The following DYDC1 variants were observed in gnomAD, a reference collection of about 807,000 sequenced individuals.
DYDC1 encodes the protein DPY30 domain containing 1, also known as DPY30 domain-containing protein 1.
In DYDC1, 21 loss-of-function variants were observed where a neutral mutation model predicts 27.9. The observed-to-expected ratio is 0.75, with a 90% CI of 0.53 to 1.08. The LOEUF (loss-of-function observed/expected upper bound fraction) is 1.08, where lower values mean the gene tolerates loss of function less well. Ranked by LOEUF, DYDC1 falls within the 50% of genes least tolerant of loss-of-function variation. The pLI is 0.00. For synonymous variants in DYDC1, 67 were observed against 65.8 expected (o/e 1.02, Z -0.09); for missense variants, 202 against 205.9 (o/e 0.98, Z 0.12).
At chr10:80,352,124 C>T in intron 2 of DYDC1, 122 bp from the exon 3 acceptor site, 1 of 865,078 alleles carries the variant, frequency 1.2e-6, no homozygotes, top group Non-Finnish European at 1.8e-6. Context: ...TAGCCCATCC[C>T]TGTGGAAATG....
chr10:80,356,393 G>C, intron 1 of DYDC1: 2 of 985,712 alleles, frequency 2.0e-6, no homozygotes, highest in Non-Finnish European at 2.4e-6. Context: ...CAGCCAACTG[G>C]GCGGGGGCAC....
chr10:80,345,497 A>C (rs1842560126), intron 3 of DYDC1, among the ~76,000 whole-genome samples: 1 of 152,144 alleles, frequency 6.6e-6, no homozygotes, highest in African/African-American at 2.4e-5. Context: ...TATCATCCTC[A>C]TGCTGTACTT....
chr10:80,350,680 A>G (rs1842928910), intron 3 of DYDC1, among the ~76,000 whole-genome samples: 1 of 152,218 alleles, frequency 6.6e-6, no homozygotes, highest in Non-Finnish European at 1.5e-5. Flanking sequence ...TTCTATCCAC[A>G]TACTCAAATA....
Position 80,352,456 on chromosome 10 carries a change from A to C in DYDC1, c.146T>G (p.Leu49Arg), listed in dbSNP as rs768522976. The change falls in exon 2 of 7, where the codon CTG becomes CGG. Residue 49 changes from leucine (L) to arginine (R), a missense_variant and splice_region_variant. By Grantham distance (102) the Leu-to-Arg change is moderately radical. Coordinates refer to ENST00000372202, the MANE Select transcript of DYDC1 (RefSeq NM_001269053.2). ...KYKENVTMEQ[L>R]RQKEMAKLER... The stretch of plus-strand genomic sequence containing the variant: ...TCCTAGAAGGAGATTCCTACTTACC[A>C]GTTGTTCCATGGTCACATTTTCCTT... The C allele has an allele frequency of 1.0e-5, 16 of 1,597,482 alleles. No individual in the cohort carries two copies. Among genetic ancestry groups the C allele is most frequent in the Non-Finnish European group, 1.4e-5 (16 of 1,173,872 alleles).
At chr10:80,341,941 T>C (rs1171477780) in intron 4 of DYDC1, among the ~76,000 whole-genome samples, 1 of 151,046 alleles carries the variant, frequency 6.6e-6, no homozygotes, top group Non-Finnish European at 1.5e-5. Context: ...GGAGAATCAC[T>C]TGAACCTGGG....
At chr10:80,337,924 T>C in intron 6 of DYDC1, 3 of 281,222 alleles carry the variant, frequency 1.1e-5, no homozygotes, top group Non-Finnish European at 1.1e-5. Flanking sequence ...CAATAAATTA[T>C]GTGGTCCCAC....
rs76809865 is a variant in DYDC1 at position 80,340,208 on chromosome 10, C to T, written c.343-1055G>A. 8.9e-3 allele frequency among the ~76,000 whole-genome samples: 1,360 copies of T among 152,278 alleles called. 17 individuals are homozygous for T. Among genetic ancestry groups the T allele is most frequent in the African/African-American group, 0.031 (1,291 of 41,550 alleles). ...TCTCTTGCTCCCAAAGTCTGAAAGGCCCAGTGATACCAGAGTCCTTCACAG... is the reference window on the plus strand; with the variant it reads ...TCTCTTGCTCCCAAAGTCTGAAAGGTCCAGTGATACCAGAGTCCTTCACAG... On this transcript the variant is annotated intron_variant, in intron 4 of 6. Transcript: ENST00000372202.
intron 4 of DYDC1, among the ~76,000 whole-genome samples, chr10:80,341,351 G>A (rs1242803685): frequency 1.4e-5 from 2 of 147,504 alleles, no homozygotes; most frequent in African/African-American, 5.1e-5. Context: ...GCTGAGGCTC[G>A]AGAATTGCTT....
intron 1 of DYDC1, among the ~76,000 whole-genome samples, chr10:80,355,296 C>A (rs1421496372): frequency 6.6e-6 from 1 of 151,582 alleles, no homozygotes; most frequent in Non-Finnish European, 1.5e-5. Flanking sequence ...TCCATAACCC[C>A]CAATTTTTAT....
chr10:80,339,324 C>A (rs1462746358), intron 4 of DYDC1, among the ~76,000 whole-genome samples, 171 bp from the exon 5 acceptor site: 1 of 152,036 alleles, frequency 6.6e-6, no homozygotes, highest in Non-Finnish European at 1.5e-5. Flanking sequence ...AGATCACAGT[C>A]TTATTTAATA....
intron 4 of DYDC1, among the ~76,000 whole-genome samples, chr10:80,340,172 T>C (rs768836103): frequency 2.6e-5 from 4 of 152,202 alleles, no homozygotes; most frequent in African/African-American, 4.8e-5. Context: ...AGAGCCCTGG[T>C]AGCATCTGAT....
At chr10:80,354,671 C>A (rs2132855785) in intron 1 of DYDC1, among the ~76,000 whole-genome samples, 1 of 152,124 alleles carries the variant, frequency 6.6e-6, no homozygotes, top group Admixed American at 6.5e-5. Context: ...GTGGAGCCGT[C>A]ATGCATGGGA....
At chr10:80,342,138 C>T (rs911599800) in intron 4 of DYDC1, 131 bp downstream of exon 4, 11 of 791,934 alleles carry the variant, frequency 1.4e-5, no homozygotes, top group Non-Finnish European at 2.0e-6. Context: ...ACTTGTTTAG[C>T]TTACACAGCT....
chr10:80,338,371 C>A, intron 6 of DYDC1, 96 bp downstream of exon 6: 1 of 1,503,620 alleles, frequency 6.7e-7, no homozygotes, highest in Non-Finnish European at 8.8e-7. Context: ...CCAACCAATC[C>A]TGGCCTAGCC....
In DYDC1 at chr10:80,351,894, G is replaced by T; in HGVS notation, c.249+7C>A. Reference sequence around the variant, plus strand: ...CAGTCCCCTCTGAACTCTCCTACTTGCCTCACCTGCTGAAGTAAGAGCTCC... The same window carrying T: ...CAGTCCCCTCTGAACTCTCCTACTTTCCTCACCTGCTGAAGTAAGAGCTCC... On this transcript the variant is annotated splice_region_variant and intron_variant, in intron 3 of 6. Coordinates refer to ENST00000372202, the MANE Select transcript of DYDC1 (RefSeq NM_001269053.2). 6.2e-7 allele frequency: 1 copy of T among 1,613,640 alleles called. No homozygotes were observed.
intron 6 of DYDC1, chr10:80,337,318 T>C: frequency 1.0e-6 from 1 of 985,490 alleles, no homozygotes; most frequent in African/African-American, 1.7e-5. Context: ...GCTCCCTGCA[T>C]AGTGCCAAAT....
chr10:80,344,690 G>A (rs12415730), intron 3 of DYDC1: 45,709 of 251,338 alleles, frequency 0.18, 5,280 homozygotes, highest in South Asian at 0.39. Context: ...TAAGTCTCAC[G>A]AGATCTGATG....
rs1843077056 is a variant in DYDC1 at position 80,352,694 on chromosome 10, C to T, written c.-9-84G>A. 8 of 1,438,474 alleles carry T rather than the reference C, an allele frequency of 5.6e-6. No individual in the cohort carries two copies. In the South Asian group the frequency reaches 1.1e-4, roughly 20 times the overall value. 89.1% of individuals were successfully genotyped at this position (1,438,474 alleles called of 1,614,324 possible). A position where few individuals can be genotyped will look rare whatever the true frequency, so the allele number is the denominator to read the frequency against. On this transcript the variant is annotated intron_variant, in intron 1 of 6. Coordinates refer to ENST00000372202, the MANE Select transcript of DYDC1 (RefSeq NM_001269053.2). ...CTAAAGTCCAGTGAGGTGAACAAAGCCTTACATACACCCTGCCCTCAGTCA... is the reference window on the plus strand; with the variant it reads ...CTAAAGTCCAGTGAGGTGAACAAAGTCTTACATACACCCTGCCCTCAGTCA...
chr10:80,336,087 A>G (rs1842125332), downstream of DYDC1: 2 of 1,079,674 alleles, frequency 1.9e-6, no homozygotes, highest in African/African-American at 1.6e-5. Flanking sequence ...AAAAAAATAC[A>G]AATTGGGAAC....
Sources: gnomAD v4.1 joint callset for allele counts (sites outside exome capture counted in the v4.1 genomes callset) on GRCh38, gnomAD v4.1.1 for gene constraint, MANE v1.5 for transcripts, NCBI Gene and HGNC (gene_info 2026-07-23, HGNC 2026-07-21) for gene names.